Variants in MAF observed in about 807,000 individuals in gnomAD.
The protein encoded by MAF is MAF bZIP transcription factor.
A neutral mutation model predicts 22.0 loss-of-function variants in MAF; 10 were observed. The ratio of observed to expected loss-of-function variants is 0.45; its 90% CI spans 0.28 to 0.77. The LOEUF is 0.77. MAF is among the 30% of genes least tolerant of loss of function. The pLI, the probability that MAF is intolerant of heterozygous loss-of-function variation, is 0.12. For missense variants in MAF, 544 were observed against 548.4 expected, an observed-to-expected ratio of 0.99 and a Z score of 0.08; for synonymous variants, 337 against 255.8, an observed-to-expected ratio of 1.32 and a Z score of -3.03.
the MAF span, among the ~76,000 whole-genome samples, chr16:79,510,833 G>C: frequency 1.3e-5 from 2 of 152,192 alleles, no homozygotes; most frequent in Non-Finnish European, 2.9e-5. Flanking sequence ...AGGCCCTGAA[G>C]GTCACCACTG....
the MAF span, among the ~76,000 whole-genome samples, chr16:79,367,728 C>T: frequency 6.1e-4 from 93 of 152,316 alleles, 2 homozygotes; most frequent in African/African-American, 1.9e-3. Context: ...TTAAATTTCA[C>T]GTAAGTACCC....
the MAF span, among the ~76,000 whole-genome samples, chr16:79,413,277 C>G: frequency 2.9e-5 from 3 of 105,164 alleles, no homozygotes; most frequent in African/African-American, 1.1e-4. Context: ...GAGTCTCGCT[C>G]TGTCACCCAG....
the MAF span, among the ~76,000 whole-genome samples, chr16:79,387,047 C>T: frequency 1.3e-5 from 2 of 152,188 alleles, no homozygotes; most frequent in African/African-American, 2.4e-5. Context: ...TAACTGTCTA[C>T]TCAAAAAAGT....
At chr16:79,504,248 A>T in the MAF span, among the ~76,000 whole-genome samples, 1 of 152,232 alleles carries the variant, frequency 6.6e-6, no homozygotes, top group African/African-American at 2.4e-5. Context: ...AATGCCTAAT[A>T]GGAGTCATCC....
At chr16:79,261,643 G>A in the MAF span, among the ~76,000 whole-genome samples, 1 of 152,222 alleles carries the variant, frequency 6.6e-6, no homozygotes, top group Non-Finnish European at 1.5e-5. Context: ...GGACACTGCA[G>A]AGGGACGGCC....
chr16:79,569,305 A>G, the MAF span, among the ~76,000 whole-genome samples: 2 of 152,160 alleles, frequency 1.3e-5, no homozygotes, highest in South Asian at 4.2e-4. Context: ...GCAACCAAAA[A>G]TGCCTTCAGA....
chr16:79,398,463 G>C, the MAF span, among the ~76,000 whole-genome samples: 1 of 152,224 alleles, frequency 6.6e-6, no homozygotes, highest in African/African-American at 2.4e-5. Context: ...GGCAGGGATG[G>C]GTGCATTATC....
the MAF span, chr16:79,505,810 G>T: frequency 6.6e-6 from 1 of 152,258 alleles, no homozygotes; most frequent in Non-Finnish European, 1.5e-5. Flanking sequence ...GGGAGCTGGG[G>T]ATAAAAATGC....
At chr16:79,502,508 A>G in the MAF span, among the ~76,000 whole-genome samples, 6 of 151,526 alleles carry the variant, frequency 4.0e-5, no homozygotes, top group African/African-American at 1.5e-4. Context: ...TCTACAAAAC[A>G]TACAAAAATT....
chr16:79,290,096 A>G, the MAF span, among the ~76,000 whole-genome samples: 1 of 152,000 alleles, frequency 6.6e-6, no homozygotes, highest in Admixed American at 6.6e-5. Context: ...TGACCTTGTG[A>G]TCCACCCACC....
At chr16:79,391,391 CAA>C in the MAF span, among the ~76,000 whole-genome samples, 10 of 152,066 alleles carry the variant, frequency 6.6e-5, no homozygotes, top group Non-Finnish European at 1.2e-4. Flanking sequence ...TTATGAGGCC[CAA>C]GCAGAGCCAC....
the MAF span, among the ~76,000 whole-genome samples, chr16:79,481,479 C>T: frequency 6.6e-5 from 10 of 152,106 alleles, no homozygotes; most frequent in Non-Finnish European, 1.2e-4. Flanking sequence ...GATTTGCCTA[C>T]ACCCCCTAGA....
the MAF span, among the ~76,000 whole-genome samples, chr16:79,403,175 G>A: frequency 7.2e-5 from 11 of 152,186 alleles, no homozygotes; most frequent in Non-Finnish European, 5.9e-5. Context: ...CTGGCATGTC[G>A]TTCAATGCAC....
chr16:79,249,734 G>A, the MAF span, among the ~76,000 whole-genome samples: 1 of 152,062 alleles, frequency 6.6e-6, no homozygotes, highest in African/African-American at 2.4e-5. Context: ...CTCCCTGGCT[G>A]TTCCCCGCTC....
chr16:79,585,798 C>T (rs1240830180), downstream of MAF: 9 of 590,278 alleles, frequency 1.5e-5, no homozygotes, highest in Non-Finnish European at 2.9e-6. Flanking sequence ...TGCTTCCTTG[C>T]TTTTCCCTTC....
chr16:79,250,793 C>T, the MAF span, among the ~76,000 whole-genome samples: 3 of 152,178 alleles, frequency 2.0e-5, no homozygotes, highest in Non-Finnish European at 4.4e-5. Flanking sequence ...TTCCAGCTTG[C>T]TAGCGTGGCC....
the MAF span, among the ~76,000 whole-genome samples, chr16:79,288,672 G>C: frequency 2.6e-5 from 4 of 152,188 alleles, no homozygotes; most frequent in Non-Finnish European, 4.4e-5. Context: ...ACAGGTGAGT[G>C]AATTAGGTAA....
chr16:79,476,528 A>C, the MAF span, among the ~76,000 whole-genome samples: 148,456 of 152,318 alleles, frequency 0.97, 72,472 homozygotes, highest in East Asian at 1. Context: ...CCTGGATTTG[A>C]CTCCCAACTC....
chr16:79,236,835 A>C, the MAF span, among the ~76,000 whole-genome samples: 1 of 151,846 alleles, frequency 6.6e-6, no homozygotes, highest in Non-Finnish European at 1.5e-5. Context: ...CAGGCCCTCC[A>C]GGGACAACCT....
Sources: gnomAD v4.1 joint callset for allele counts (sites outside exome capture counted in the v4.1 genomes callset) on GRCh38, gnomAD v4.1.1 for gene constraint, MANE v1.5 for transcripts, NCBI Gene and HGNC (gene_info 2026-07-23, HGNC 2026-07-21) for gene names.